Variants in RCOR2 observed in about 807,000 individuals in gnomAD.
RCOR2 encodes REST corepressor 2.
Under a neutral mutation model 58.9 loss-of-function variants are expected in RCOR2, and 19 were observed. The ratio of observed to expected loss-of-function variants is 0.32; its 90% CI spans 0.23 to 0.47. The LOEUF is 0.47. Among genes scored for constraint, RCOR2 ranks in the 20% least tolerant of loss-of-function variants. The pLI is 1.00. For synonymous variants in RCOR2, 286 were observed against 278.7 expected, an observed-to-expected ratio of 1.03 and a Z score of -0.26; for missense variants, 590 against 707.9, an observed-to-expected ratio of 0.83 and a Z score of 1.89.
rs887730501 is a variant in RCOR2, at chr11:63,917,131, C to T, written c.-675G>A. Among the ~76,000 whole-genome samples the T allele has an allele frequency of 5.3e-5, 8 of 152,002 alleles. No homozygotes were observed. Among genetic ancestry groups the T allele is most frequent in the Admixed American group, 2.0e-4 (3 of 15,286 alleles). ...GCTCGGGATGCCGCTTGCTCGCCCG[C>T]TCTCCGCCGCCGCTCGCTCCTCGCG... On this transcript the variant is annotated 5_prime_UTR_variant, in exon 1 of 12. Transcript: ENST00000301459.
Sources: allele counts gnomAD v4.1 joint callset (sites outside exome capture counted in the v4.1 genomes callset), GRCh38; gene constraint gnomAD v4.1.1; transcripts MANE v1.5; gene names NCBI Gene and HGNC (gene_info 2026-07-23, HGNC 2026-07-21).